Variants in POLR1D observed in about 807,000 individuals in gnomAD.
POLR1D encodes RNA polymerase I and III subunit D, also known as DNA-directed RNA polymerases I and III subunit RPAC2.
In POLR1D, 8 loss-of-function variants were observed where a neutral mutation model predicts 10.8. That is an observed-to-expected ratio of 0.74 (90% CI 0.43 to 1.33). The LOEUF is 1.33. POLR1D is among the 40% of genes most tolerant of loss of function. The pLI, the probability that POLR1D is intolerant of heterozygous loss-of-function variation, is 0.01. For missense variants in POLR1D, 152 were observed against 161.7 expected (o/e 0.94, Z 0.32); for synonymous variants, 54 against 57.2 (o/e 0.94, Z 0.25).
At chr13:27,651,614 T>C (rs972072413) in intron 2 of POLR1D, 1 of 152,126 alleles carries the variant, frequency 6.6e-6, no homozygotes, top group African/African-American at 2.4e-5. Flanking sequence ...TAGTAAATAA[T>C]AGATATATTA....
In POLR1D at chr13:27,659,770, C is replaced by T. The variant is rs546969766; in HGVS notation, c.102-5916C>T. ...AACTGTCTCAGTGTGTTACTATTCA[C>T]GTATCTGCTTCTGAACTTTGACTTC... On this transcript the variant is annotated intron_variant, in intron 2 of 2. Transcript: ENST00000399697. Among the ~76,000 whole-genome samples the T allele has an allele frequency of 3.9e-5, 6 of 152,230 alleles. No homozygotes were observed. The South Asian group carries it at 6.2e-4, about 16-fold the overall frequency.
Position 27,623,255 on chromosome 13 carries a change from T to G in POLR1D, c.*5T>G, listed in dbSNP as rs745943558. ...AGAAATGAATCCACATTCTAGTCCT[T>G]TATGCAGTATACAAGGAGAACTGTC... On this transcript the variant is annotated 3_prime_UTR_variant, in exon 2 of 2. Coordinates refer to ENST00000302979, the MANE Select transcript of POLR1D (RefSeq NM_015972.4). The G allele has an allele frequency of 1.9e-6, 3 of 1,613,520 alleles. No homozygotes were observed. The South Asian group carries it at 3.3e-5, about 18-fold the overall frequency.
At chr13:27,644,966 A>G (rs1400932179) in intron 1 of POLR1D, among the ~76,000 whole-genome samples, 1 of 152,236 alleles carries the variant, frequency 6.6e-6, no homozygotes, top group Non-Finnish European at 1.5e-5. Flanking sequence ...TCTAGAGGAA[A>G]CAACAGAGGC....
Position 27,655,912 on chromosome 13 carries a change from GAACT to G in POLR1D, c.101+7464_101+7467del, listed in dbSNP as rs553537467. 3.3e-5 allele frequency among the ~76,000 whole-genome samples: 5 copies of G among 152,246 alleles called. No homozygotes were observed. In the South Asian group the frequency reaches 8.3e-4, roughly 25 times the overall value. ...AGAATGGAGACCGACATATGTGTAT[GAACT>G]AACTGTGTGGAAAAAGGTCATTGTT... On this transcript the variant is annotated intron_variant, in intron 2 of 2. Transcript: ENST00000399697.
intron 1 of POLR1D, among the ~76,000 whole-genome samples, chr13:27,633,692 G>A (rs1345852623): frequency 1.3e-5 from 2 of 152,176 alleles, no homozygotes; most frequent in African/African-American, 4.8e-5. Context: ...GTCTACAACT[G>A]TTAATAAGTT....
intron 1 of POLR1D, among the ~76,000 whole-genome samples, chr13:27,636,767 A>C (rs1358534452): frequency 1.3e-5 from 2 of 152,148 alleles, no homozygotes; most frequent in African/African-American, 2.4e-5. Context: ...CTGCGGTCTC[A>C]ATTGGGTACC....
chr13:27,622,686 A>G (rs1192147553), intron 1 of POLR1D, among the ~76,000 whole-genome samples, 189 bp from the exon 2 acceptor site: 2 of 152,200 alleles, frequency 1.3e-5, no homozygotes, highest in Non-Finnish European at 2.9e-5. Flanking sequence ...GAGCAGGGAA[A>G]AACTGGAGGC....
chr13:27,623,252 C>G lies in POLR1D; in HGVS notation c.*2C>G. ...AGCAGAAATGAATCCACATTCTAGT[C>G]CTTTATGCAGTATACAAGGAGAACT... On this transcript the variant is annotated 3_prime_UTR_variant, in exon 2 of 2. Transcript: ENST00000302979. 1 of 1,613,544 alleles carries G rather than the reference C, an allele frequency of 6.2e-7. No homozygotes were observed. Among genetic ancestry groups the G allele is most frequent in the Non-Finnish European group, 8.5e-7 (1 of 1,179,960 alleles).
At position 27,633,494 on chromosome 13, in the gene POLR1D, T is replaced by C. The variant is rs1956094077; in HGVS notation, c.26+11485T>C. Among the ~76,000 whole-genome samples the C allele has an allele frequency of 3.9e-5, 6 of 152,360 alleles. No homozygotes were observed. In the South Asian group the frequency reaches 1.2e-3, roughly 32 times the overall value. On this transcript the variant is annotated intron_variant, in intron 1 of 2. Transcript: ENST00000399697. ...TGCCCTTACTTTGTGAAATGGACTTTCCTTCACTTCCATGGAAAATTGCCA... is the reference window on the plus strand; with the variant it reads ...TGCCCTTACTTTGTGAAATGGACTTCCCTTCACTTCCATGGAAAATTGCCA...
intron 2 of POLR1D, among the ~76,000 whole-genome samples, chr13:27,652,523 C>T (rs78622535): frequency 0.081 from 12,297 of 152,206 alleles, 649 homozygotes; most frequent in Non-Finnish European, 0.11. Context: ...TAGTAACAGA[C>T]ACTGAGTCCA....
chr13:27,637,443 A>G (rs522071), intron 1 of POLR1D, among the ~76,000 whole-genome samples: 43,724 of 151,948 alleles, frequency 0.29, 7,819 homozygotes, highest in Admixed American at 0.42. Flanking sequence ...TCAATATAAA[A>G]CCTTATTTGC....
chr13:27,665,786 G>A (rs1305646320), exon 3 of POLR1D: 1 of 1,613,916 alleles, frequency 6.2e-7, no homozygotes, highest in Non-Finnish European at 8.5e-7. Flanking sequence ...ACAAAAAGAG[G>A]GCGATAAGGA....
chr13:27,623,811 T>C (rs1375042371), downstream of POLR1D, among the ~76,000 whole-genome samples: 2 of 152,218 alleles, frequency 1.3e-5, no homozygotes, highest in Non-Finnish European at 2.9e-5. Flanking sequence ...ATTCTGGTTT[T>C]ACATGAGAGT....
chr13:27,665,797 A>G (rs1446717923), exon 3 of POLR1D: 1 of 1,614,188 alleles, frequency 6.2e-7, no homozygotes, highest in Non-Finnish European at 8.5e-7. Flanking sequence ...GCGATAAGGA[A>G]CCAGCGAAGA....
At chr13:27,656,194 A>G (rs991132120) in intron 2 of POLR1D, among the ~76,000 whole-genome samples, 2 of 152,208 alleles carry the variant, frequency 1.3e-5, no homozygotes, top group African/African-American at 4.8e-5. Flanking sequence ...TCTACATAGA[A>G]AAAGATACCA....
chr13:27,650,133 T>G (rs1956252947), intron 2 of POLR1D: 1 of 397,986 alleles, frequency 2.5e-6, no homozygotes, highest in Non-Finnish European at 4.4e-6. Flanking sequence ...GAAGAGGACA[T>G]GCTACCCTCC....
rs1454717951 is a variant in POLR1D at position 27,621,938 on chromosome 13, C to A, written c.-46C>A. The A allele has an allele frequency of 6.4e-7, 1 of 1,571,638 alleles. No homozygotes were observed. Among genetic ancestry groups the A allele is most frequent in the Non-Finnish European group, 8.6e-7 (1 of 1,156,836 alleles). ...CGCGCCTCGCGCTATGGGACAGAGCCCCCGATCCGCCAGCACCACCTGAGG... is the reference window on the plus strand; with the variant it reads ...CGCGCCTCGCGCTATGGGACAGAGCACCCGATCCGCCAGCACCACCTGAGG... On this transcript the variant is annotated 5_prime_UTR_variant, in exon 1 of 2. Transcript: ENST00000302979.
At chr13:27,665,261 T>C (rs376291528) in intron 2 of POLR1D, 10 of 187,856 alleles carry the variant, frequency 5.3e-5, no homozygotes, top group African/African-American at 2.1e-4. Flanking sequence ...ATATACTTTT[T>C]AGTTTCCTTG....
upstream of POLR1D, chr13:27,621,875 G>C: frequency 8.5e-7 from 1 of 1,176,696 alleles, no homozygotes; most frequent in Non-Finnish European, 1.2e-6. Flanking sequence ...CGTCCTCCGC[G>C]CCTTCCGTCG....
Sources: gnomAD v4.1 joint callset for allele counts (sites outside exome capture counted in the v4.1 genomes callset) on GRCh38, gnomAD v4.1.1 for gene constraint, MANE v1.5 for transcripts, NCBI Gene and HGNC (gene_info 2026-07-23, HGNC 2026-07-21) for gene names.